The following TNIK variants were observed in gnomAD, a reference collection of about 807,000 sequenced individuals.
TNIK encodes TRAF2 and NCK interacting kinase.
In TNIK, 49 loss-of-function variants were observed where a neutral mutation model predicts 191.3. The observed-to-expected ratio is 0.26, with a 90% confidence interval of 0.20 to 0.32. The LOEUF is 0.32. Among genes scored for constraint, TNIK ranks in the 10% least tolerant of loss-of-function variants. The probability of loss-of-function intolerance (pLI) is 1.00; values close to 1 mark genes in which losing one functional copy is unlikely to be tolerated. For missense variants in TNIK, 1,155 were observed against 1,702.3 expected (o/e 0.68, Z 5.66); for synonymous variants, 594 against 600.9 (o/e 0.99, Z 0.17).
At chr3:171,354,067 A>T (rs1049941959) in intron 2 of TNIK, among the ~76,000 whole-genome samples, 2 of 152,148 alleles carry the variant, frequency 1.3e-5, no homozygotes, top group Non-Finnish European at 2.9e-5. Context: ...AAGAAAAAAA[A>T]ATTTTCTTGA....
chr3:171,392,975 T>TAA (rs947450224), intron 1 of TNIK, among the ~76,000 whole-genome samples: 1 of 148,470 alleles, frequency 6.7e-6, no homozygotes, highest in African/African-American at 2.5e-5. Flanking sequence ...CATTTTAAAA[T>TAA]AAAAAAAAAA....
intron 1 of TNIK, among the ~76,000 whole-genome samples, chr3:171,397,660 A>G (rs1720426345): frequency 6.6e-6 from 1 of 152,222 alleles, no homozygotes; most frequent in African/African-American, 2.4e-5. Flanking sequence ...TTTACATTTG[A>G]AATATAGAGA....
intron 1 of TNIK, among the ~76,000 whole-genome samples, chr3:171,376,225 A>G (rs990973157): frequency 1.3e-5 from 2 of 152,182 alleles, no homozygotes; most frequent in African/African-American, 4.8e-5. Context: ...CAGGCTTTTC[A>G]ACATCATCTT....
chr3:171,250,665 C>T (rs1746123048), intron 2 of TNIK, among the ~76,000 whole-genome samples: 1 of 152,210 alleles, frequency 6.6e-6, no homozygotes, highest in South Asian at 2.1e-4. Context: ...CACTCACTGG[C>T]TGTGTGACCA....
intron 22 of TNIK, among the ~76,000 whole-genome samples, chr3:171,097,771 G>A (rs770069431): frequency 1.1e-4 from 16 of 152,204 alleles, no homozygotes; most frequent in Non-Finnish European, 1.5e-4. Flanking sequence ...ATAGCAGTAC[G>A]AAAATGGACT....
At chr3:171,107,815 T>C (rs915336014) in intron 20 of TNIK, among the ~76,000 whole-genome samples, 7 of 152,084 alleles carry the variant, frequency 4.6e-5, no homozygotes, top group African/African-American at 1.2e-4. Flanking sequence ...ATGATAGGAG[T>C]TGTTTCTCTT....
intron 15 of TNIK, among the ~76,000 whole-genome samples, chr3:171,136,507 G>A (rs537809073): frequency 2.7e-4 from 41 of 152,136 alleles, no homozygotes; most frequent in Non-Finnish European, 5.6e-4. Flanking sequence ...GACTTCCTGA[G>A]GCTTCATTTG....
At chr3:171,148,328 C>T (rs1348326357) in intron 12 of TNIK, among the ~76,000 whole-genome samples, 1 of 152,196 alleles carries the variant, frequency 6.6e-6, no homozygotes, top group South Asian at 2.1e-4. Context: ...GAATTCTCAT[C>T]CTGCCTCTTC....
rs180898078 is a variant in TNIK, at chr3:171,403,563, G to A, written c.58-33878C>T. On this transcript the variant is annotated intron_variant, in intron 1 of 32. Coordinates refer to ENST00000436636, the MANE Select transcript of TNIK (RefSeq NM_015028.4). ...CGGGAAGCAGAGGTTGCAGTGAGCCGGGATCGTGCCACTGCACTCCAACCT... is the reference window on the plus strand; with the variant it reads ...CGGGAAGCAGAGGTTGCAGTGAGCCAGGATCGTGCCACTGCACTCCAACCT... Among the ~76,000 whole-genome samples the A allele has an allele frequency of 3.4e-3, 511 of 149,794 alleles. 2 individuals carry two copies. The highest frequency in any genetic ancestry group is 0.012 in the African/African-American group (488 of 40,448).
chr3:171,286,847 T>C (rs1751061727), intron 2 of TNIK, among the ~76,000 whole-genome samples: 2 of 152,198 alleles, frequency 1.3e-5, no homozygotes, highest in Admixed American at 6.5e-5. Flanking sequence ...CTGTGTGCTG[T>C]TATAGTCAGG....
intron 3 of TNIK, among the ~76,000 whole-genome samples, chr3:171,213,072 A>C (rs1741033590): frequency 6.6e-6 from 1 of 151,928 alleles, no homozygotes; most frequent in Non-Finnish European, 1.5e-5. Context: ...CACACTGCTG[A>C]CCACCTATTC....
intron 1 of TNIK, among the ~76,000 whole-genome samples, chr3:171,374,280 T>G (rs1171231259): frequency 2.6e-5 from 4 of 152,212 alleles, no homozygotes; most frequent in Non-Finnish European, 5.9e-5. Context: ...CCCTGTAGTA[T>G]TCCCAGCTTA....
chr3:171,221,714 T>G (rs115786633), intron 3 of TNIK, among the ~76,000 whole-genome samples: 1,595 of 152,250 alleles, frequency 0.01, 26 homozygotes, highest in African/African-American at 0.037. Flanking sequence ...GGAATCTAGC[T>G]TCACTTTCTT....
chr3:171,128,570 G>A, intron 16 of TNIK, 144 bp downstream of exon 16: 1 of 1,035,096 alleles, frequency 9.7e-7, no homozygotes, highest in Non-Finnish European at 1.3e-6. Flanking sequence ...AATCAGTGGG[G>A]CCACCTATTT....
rs73879546 is a variant in TNIK, at chr3:171,379,155, T to A, written c.58-9470A>T. Among the ~76,000 whole-genome samples, 607 of 152,326 alleles carry A rather than the reference T, an allele frequency of 4.0e-3. 2 individuals carry two copies. The highest frequency in any genetic ancestry group is 0.014 in the African/African-American group (590 of 41,576). On this transcript the variant is annotated intron_variant, in intron 1 of 32. Transcript: ENST00000436636. ...TAGGTCACATGCATATATATCAGCA[T>A]AAAAGATAAATAATATTTTCAAAAT... is the stretch of plus-strand genomic sequence containing the variant.
intron 2 of TNIK, among the ~76,000 whole-genome samples, chr3:171,343,558 T>C (rs376016527): frequency 2.6e-5 from 4 of 152,136 alleles, no homozygotes; most frequent in African/African-American, 9.7e-5. Context: ...CAGCACCTGC[T>C]TGCAATTCTT....
chr3:171,137,977 A>AC (rs1730271701), intron 15 of TNIK, among the ~76,000 whole-genome samples: 1 of 150,400 alleles, frequency 6.6e-6, no homozygotes, highest in African/African-American at 2.5e-5. Flanking sequence ...ACAAAAAAAA[A>AC]AAAAAAACAA....
chr3:171,339,767 G>T (rs1190452597), intron 2 of TNIK, among the ~76,000 whole-genome samples: 1 of 152,166 alleles, frequency 6.6e-6, no homozygotes, highest in Admixed American at 6.5e-5. Flanking sequence ...CCAGAATCCG[G>T]TCTGTTGCTG....
In TNIK at chr3:171,060,820, A is replaced by T. The variant is rs1417701112; in HGVS notation, c.*3061T>A. On this transcript the variant is annotated 3_prime_UTR_variant, in exon 33 of 33. Transcript: ENST00000436636. ...GAATGATGGTCACCTGCCAGACCCCAGACCCAGACTATGGTGTGGGCAGGC... is the reference window on the plus strand; with the variant it reads ...GAATGATGGTCACCTGCCAGACCCCTGACCCAGACTATGGTGTGGGCAGGC... Among the ~76,000 whole-genome samples the T allele has an allele frequency of 6.6e-6, 1 of 152,188 alleles. No homozygotes were observed. The highest frequency in any genetic ancestry group is 1.5e-5 in the Non-Finnish European group (1 of 68,034).
Sources: gnomAD v4.1 joint callset for allele counts (sites outside exome capture counted in the v4.1 genomes callset) on GRCh38, gnomAD v4.1.1 for gene constraint, MANE v1.5 for transcripts, NCBI Gene and HGNC (gene_info 2026-07-23, HGNC 2026-07-21) for gene names.